Variants in ILDR2 observed in about 807,000 individuals in gnomAD.
ILDR2 encodes immunoglobulin like domain containing receptor 2.
In ILDR2, 25 loss-of-function variants were observed where a neutral mutation model predicts 66.8. The ratio of observed to expected loss-of-function variants is 0.37; its 90% CI spans 0.27 to 0.52. ILDR2 has a LOEUF of 0.52. ILDR2 is among the 20% of genes least tolerant of loss of function. The pLI is 0.88. For missense variants in ILDR2, 827 were observed against 876.8 expected (o/e 0.94, Z 0.72); for synonymous variants, 367 against 357.2 (o/e 1.03, Z -0.31).
chr1:166,933,096 T>C (rs149585778), intron 6 of ILDR2, among the ~76,000 whole-genome samples: 46 of 152,354 alleles, frequency 3.0e-4, no homozygotes, highest in African/African-American at 8.2e-4. Flanking sequence ...GTGACACTGA[T>C]TGCCACCCTT....
In ILDR2 at chr1:166,957,773, A is replaced by G. The variant is rs1662368290; in HGVS notation, c.375T>C (p.Val125=). Residue 125 remains valine, a synonymous_variant, in exon 2 of 10, where the codon GTT becomes GTC. Coordinates refer to ENST00000271417, the MANE Select transcript of ILDR2 (RefSeq NM_199351.3). ...DFYRGREITI[V]HDADLQIGKL... ...TCAAAATAGGGGCATTATTACCATG[A>G]ACAATCGTGATCTCTCTGCCCCTGT... 1.9e-6 allele frequency: 3 copies of G among 1,606,484 alleles called. No homozygotes were observed. The Admixed American group carries it at 5.0e-5, about 27-fold the overall frequency.
intron 7 of ILDR2, among the ~76,000 whole-genome samples, chr1:166,924,047 C>T (rs1055486534): frequency 6.6e-6 from 1 of 152,028 alleles, no homozygotes; most frequent in African/African-American, 2.4e-5. Context: ...GGGATTTTTG[C>T]ACAAAGATGA....
intron 3 of ILDR2, among the ~76,000 whole-genome samples, chr1:166,948,974 G>A (rs1387672645): frequency 2.0e-5 from 3 of 152,210 alleles, no homozygotes. Context: ...CATGCTCATA[G>A]ACGTTGACTT....
intron 6 of ILDR2, among the ~76,000 whole-genome samples, chr1:166,929,202 T>C (rs1660482486): frequency 6.6e-6 from 1 of 152,330 alleles, no homozygotes; most frequent in Admixed American, 6.5e-5. Context: ...TGCCAACCTT[T>C]AAATAATCTC....
In ILDR2 at chr1:166,955,029, G is replaced by A. The variant is rs80160609; in HGVS notation, c.499+1704C>T. Among the ~76,000 whole-genome samples, 1,051 of 152,304 alleles carry A rather than the reference G, an allele frequency of 6.9e-3. 7 individuals carry two copies. The highest frequency in any genetic ancestry group is 0.012 in the Non-Finnish European group (849 of 68,018). Reference sequence around the variant, plus strand: ...TAATTGTGGGCTCAATGAGCCACTTGTTCCTTCAAACTTGGCTATTAGGGT... The same window carrying A: ...TAATTGTGGGCTCAATGAGCCACTTATTCCTTCAAACTTGGCTATTAGGGT... On this transcript the variant is annotated intron_variant, in intron 3 of 9. Transcript: ENST00000271417.
rs1659416442 is a variant in ILDR2, at chr1:166,909,481, T to A, written c.*9874A>T. Reference sequence around the variant, plus strand: ...CTTGTTCTTAAGCTAGTCTGAGCTATCTTCCTGTCATTTGCAACCAAAAAT... The same window carrying A: ...CTTGTTCTTAAGCTAGTCTGAGCTAACTTCCTGTCATTTGCAACCAAAAAT... On this transcript the variant is annotated 3_prime_UTR_variant, in exon 10 of 10. Coordinates refer to ENST00000271417, the MANE Select transcript of ILDR2 (RefSeq NM_199351.3). The A allele has an allele frequency of 6.6e-6, 1 of 151,810 alleles. No individual in the cohort carries two copies. Among genetic ancestry groups the A allele is most frequent in the Non-Finnish European group, 1.5e-5 (1 of 68,004 alleles). The allele number at this position is 151,810 out of a possible 1,614,324, so 9.4% of individuals were successfully genotyped here.
chr1:166,905,622 T>C (rs1659333624), downstream of ILDR2, among the ~76,000 whole-genome samples: 1 of 152,210 alleles, frequency 6.6e-6, no homozygotes, highest in Non-Finnish European at 1.5e-5. Context: ...CTCTAACTTA[T>C]ACACATAGCT....
At position 166,936,647 on chromosome 1, in the gene ILDR2, C is replaced by G. The variant is rs1204629725; in HGVS notation, c.647G>C (p.Cys216Ser). 1 of 1,614,014 alleles carries G rather than the reference C, an allele frequency of 6.2e-7. No homozygotes were observed. ...GCATGGGCAGCGGACATAGCAGCAGCAGCTGTGAGGGCAGCACTGGCACCA... is the reference window on the plus strand; with the variant it reads ...GCATGGGCAGCGGACATAGCAGCAGGAGCTGTGAGGGCAGCACTGGCACCA... The part of the protein sequence containing the change: ...ICWCQCCPHS[C>S]CCYVRCPCCP... Residue 216 changes from cysteine to serine, a missense_variant, in exon 5 of 10, where the codon TGC becomes TCC. Around this residue, in one of 2 missense-constraint regions of ILDR2, gnomAD observed 437 missense variants for 523.2 expected, o/e 0.84. Transcript: ENST00000271417. This position sits in a 1 kb window ranked among gnomAD's most constrained non-coding sequence, Gnocchi z 5.0.
intron 6 of ILDR2, among the ~76,000 whole-genome samples, chr1:166,929,322 C>A (rs1386999931): frequency 6.6e-6 from 1 of 152,214 alleles, no homozygotes; most frequent in Non-Finnish European, 1.5e-5. Context: ...CTTTGATTCT[C>A]ATAGCTTGAA....
At chr1:166,900,684 T>C (rs756531507) in intron 2 of ILDR2, among the ~76,000 whole-genome samples, 7 of 152,222 alleles carry the variant, frequency 4.6e-5, no homozygotes, top group Non-Finnish European at 1.0e-4. Flanking sequence ...ACTCTGGGAC[T>C]TGGACATTTG....
At chr1:166,896,545 G>GATATATAT (rs3076028) in intron 2 of ILDR2, among the ~76,000 whole-genome samples, 10 of 146,530 alleles carry the variant, frequency 6.8e-5, no homozygotes, top group South Asian at 2.2e-4. Flanking sequence ...AATGGAAACA[G>GATATATAT]ATATATATAT....
chr1:166,925,872 C>T (rs974128108), intron 7 of ILDR2, among the ~76,000 whole-genome samples: 10 of 152,196 alleles, frequency 6.6e-5, no homozygotes, highest in African/African-American at 1.9e-4. Context: ...TTTCTCTGAG[C>T]TGTGAGATTC....
At chr1:166,940,504 G>A (rs1571151583) in intron 3 of ILDR2, among the ~76,000 whole-genome samples, 1 of 152,198 alleles carries the variant, frequency 6.6e-6, no homozygotes, top group East Asian at 1.9e-4. Context: ...TTGTGATGGT[G>A]GTAAAAAGTC....
Position 166,914,834 on chromosome 1 carries a change from T to C in ILDR2, c.*4521A>G, listed in dbSNP as rs887451928. Reference sequence around the variant, plus strand: ...TGGATTTCTACATCCTATCAATCAATTTCAGACTTCCATTAAGATGCTGGC... The same window carrying C: ...TGGATTTCTACATCCTATCAATCAACTTCAGACTTCCATTAAGATGCTGGC... On this transcript the variant is annotated 3_prime_UTR_variant, in exon 10 of 10. Coordinates refer to ENST00000271417, the MANE Select transcript of ILDR2 (RefSeq NM_199351.3). 6.6e-6 allele frequency: 1 copy of C among 152,206 alleles called. No homozygotes were observed. Among genetic ancestry groups the C allele is most frequent in the Non-Finnish European group, 1.5e-5 (1 of 68,034 alleles). The allele number at this position is 152,206 out of a possible 1,614,324, so 9.4% of individuals were successfully genotyped here.
intron 2 of ILDR2, among the ~76,000 whole-genome samples, chr1:166,899,123 G>T (rs1402876789): frequency 6.6e-6 from 1 of 151,906 alleles, no homozygotes; most frequent in Non-Finnish European, 1.5e-5. Context: ...CGGGCGCAAT[G>T]GCTCACGCCT....
rs1411836065 is a variant in ILDR2, at chr1:166,920,844, GGTC to G, written c.1744_1746del (p.Asp582del). ...AGCGCGTCGTCGGACGCGTCCTCCTGGTCGTCCTGCGACGAGCCGGCCTTGTAG... is the reference window on the plus strand; with the variant it reads ...AGCGCGTCGTCGGACGCGTCCTCCTGGTCCTGCGACGAGCCGGCCTTGTAG... On this transcript the variant is annotated inframe_deletion, in exon 9 of 10. Coordinates refer to ENST00000271417, the MANE Select transcript of ILDR2 (RefSeq NM_199351.3). The G allele has an allele frequency of 1.3e-6, 2 of 1,514,802 alleles. No individual in the cohort carries two copies. Among genetic ancestry groups the G allele is most frequent in the South Asian group, 2.5e-5 (2 of 81,184 alleles). 93.8% of individuals were successfully genotyped at this position (1,514,802 alleles called of 1,614,324 possible).
Position 166,921,273 on chromosome 1 carries a change from G to T in ILDR2, c.1318C>A (p.Arg440=). ...CTGTTGCCGTCTGCCCGGCGGGGCC[G>T]CTGGCCGTAGGAGTCAGCGAAGGCC... ...LAAFADSYGQ[R]PRRADGNSHE... is the part of the protein sequence containing the mutation. The change falls in exon 9 of 10, where the codon CGG becomes AGG. Residue 440 remains arginine (R), a synonymous_variant. Transcript: ENST00000271417. This position sits in a 1 kb window ranked among gnomAD's most constrained non-coding sequence, Gnocchi z 5.3. The T allele has an allele frequency of 5.6e-6, 9 of 1,599,252 alleles. No homozygotes were observed. The highest frequency in any genetic ancestry group is 6.8e-6 in the Non-Finnish European group (8 of 1,175,028).
At position 166,920,715 on chromosome 1, in the gene ILDR2, T is replaced by C; in HGVS notation, c.1876A>G (p.Lys626Glu). ...SEKKRKKEPA[K>E]KTNDFPTRMS... ...GGCAGACGCAGTCTCACGGTTTTCT[T>C]GGCGGGCTCCTTTTTCCTCTTCTTC... The change falls in exon 9 of 10, where the codon AAG (lysine) becomes GAG (glutamate). Residue 626 changes from lysine (K) to glutamate (E), a missense_variant. Lys to Glu is a moderately conservative substitution (Grantham distance 56). This residue lies in a region of ILDR2 where 390 missense variants were observed against 353.6 expected (regional missense o/e 1.10). Transcript: ENST00000271417. The C allele has an allele frequency of 7.1e-7, 1 of 1,417,862 alleles. No individual in the cohort carries two copies. Among genetic ancestry groups the C allele is most frequent in the Non-Finnish European group, 9.2e-7 (1 of 1,081,812 alleles). The allele number at this position is 1,417,862 out of a possible 1,614,324, so 87.8% of individuals were successfully genotyped here. A position where few individuals can be genotyped will look rare whatever the true frequency, so the allele number is the denominator to read the frequency against.
rs1660979065 is a variant in ILDR2 at position 166,936,369 on chromosome 1, T to C, written c.703+222A>G. Among the ~76,000 whole-genome samples the C allele has an allele frequency of 6.6e-6, 1 of 152,086 alleles. No individual in the cohort carries two copies. Among genetic ancestry groups the C allele is most frequent in the Admixed American group, 6.5e-5 (1 of 15,274 alleles). On this transcript the variant is annotated intron_variant, in intron 5 of 9. Transcript: ENST00000271417. This position sits in a 1 kb window ranked among gnomAD's most constrained non-coding sequence, Gnocchi z 5.0. ...TGAGAATTCCAAATGCATGGAGTGA[T>C]AGATATGGATAAGAAGTGTGGAGAG... is the stretch of plus-strand genomic sequence containing the variant.
Sources: gnomAD v4.1 joint callset for allele counts (sites outside exome capture counted in the v4.1 genomes callset) on GRCh38, gnomAD v4.1.1 for gene constraint, gnomAD v4.1.1 regional missense constraint, Gnocchi (gnomAD v3.1) non-coding constraint, MANE v1.5 for transcripts, NCBI Gene and HGNC (gene_info 2026-07-23, HGNC 2026-07-21) for gene names.